Variants in SQOR observed in about 807,000 individuals in gnomAD.
SQOR encodes sulfide quinone oxidoreductase.
A neutral mutation model predicts 48.6 loss-of-function variants in SQOR; 39 were observed. That is an observed-to-expected ratio of 0.80 (90% CI 0.62 to 1.05). The LOEUF (loss-of-function observed/expected upper bound fraction) is 1.05, where lower values mean the gene tolerates loss of function less well. Among genes scored for constraint, SQOR ranks in the 50% least tolerant of loss-of-function variants. The pLI is 0.00. For synonymous variants in SQOR, 220 were observed against 206.2 expected, an observed-to-expected ratio of 1.07 and a Z score of -0.57; for missense variants, 561 against 559.9, an observed-to-expected ratio of 1.00 and a Z score of -0.02.
At chr15:45,636,694 G>T (rs576469179) in intron 1 of SQOR, among the ~76,000 whole-genome samples, 1 of 152,062 alleles carries the variant, frequency 6.6e-6, no homozygotes, top group Middle Eastern at 3.2e-3. Context: ...GAGCCACTGC[G>T]CACGGCCAAT....
At chr15:45,670,655 G>A (rs1277401176) in intron 4 of SQOR, among the ~76,000 whole-genome samples, 2 of 152,224 alleles carry the variant, frequency 1.3e-5, no homozygotes, top group Admixed American at 6.5e-5. Flanking sequence ...TGTGCTAACC[G>A]GGTAACAAGC....
At chr15:45,664,760 G>A (rs1410679407) in intron 3 of SQOR, among the ~76,000 whole-genome samples, 1 of 152,028 alleles carries the variant, frequency 6.6e-6, no homozygotes, top group Non-Finnish European at 1.5e-5. Flanking sequence ...TCCTGAAAAA[G>A]TATAGTTGTT....
chr15:45,645,651 C>T (rs889557451), intron 1 of SQOR, among the ~76,000 whole-genome samples: 11 of 152,220 alleles, frequency 7.2e-5, no homozygotes, highest in African/African-American at 2.7e-4. Context: ...TGAAACATGG[C>T]TTGTCCTGTG....
upstream of SQOR, among the ~76,000 whole-genome samples, chr15:45,634,198 C>CTATATATATA (rs60889862): frequency 6.5e-3 from 283 of 43,842 alleles, 35 homozygotes; most frequent in African/African-American, 0.012. Context: ...ACAACAACAA[C>CTATATATATA]TATATATATA....
upstream of SQOR, among the ~76,000 whole-genome samples, chr15:45,632,410 CGGGGTTTCATCATGCT>C (rs1894914088): frequency 1.3e-5 from 2 of 151,800 alleles, no homozygotes; most frequent in African/African-American, 4.8e-5. Context: ...TTAGTAGAGA[CGGGGTTTCATCATGCT>C]GGCCAGGCTG....
chr15:45,644,147 A>T (rs673555), intron 1 of SQOR, among the ~76,000 whole-genome samples: 1 of 151,638 alleles, frequency 6.6e-6, no homozygotes, highest in East Asian at 1.9e-4. Context: ...GAGTGCAGTG[A>T]CGCGATCTCG....
chr15:45,651,213 T>C (rs538940895), intron 1 of SQOR, among the ~76,000 whole-genome samples: 1 of 152,168 alleles, frequency 6.6e-6, no homozygotes, highest in South Asian at 2.1e-4. Context: ...CCGGCACTGC[T>C]GGGGGACCTG....
intron 1 of SQOR, among the ~76,000 whole-genome samples, chr15:45,644,776 A>T (rs978139282): frequency 6.6e-6 from 1 of 152,206 alleles, no homozygotes; most frequent in African/African-American, 2.4e-5. Flanking sequence ...AGAGTGCTCC[A>T]GGATTCATGA....
intron 3 of SQOR, among the ~76,000 whole-genome samples, 159 bp downstream of exon 3, chr15:45,662,284 G>C (rs1428216798): frequency 6.6e-6 from 1 of 152,160 alleles, no homozygotes; most frequent in African/African-American, 2.4e-5. Flanking sequence ...CAGGGTATGT[G>C]GTAAGTGGAG....
rs758223562 is a variant in SQOR, at chr15:45,659,138, C to T, written c.215C>T (p.Ala72Val). The change falls in exon 2 of 10, where the codon GCC (alanine) becomes GTC (valine). Residue 72 changes from alanine (A) to valine (V), a missense_variant. Ala to Val is a moderately conservative substitution (Grantham distance 64). Transcript: ENST00000260324. The stretch of plus-strand genomic sequence containing the variant: ...AGGAAAGTGGGTGCAGAGAATGTGG[C>T]CATTGTTGAGCCCAGTGAGGTAAGC... ...MKRKVGAENV[A>V]IVEPSERHFY... The T allele has an allele frequency of 8.4e-6, 13 of 1,549,734 alleles. No homozygotes were observed. The highest frequency in any genetic ancestry group is 1.9e-5 in the Admixed American group (1 of 51,574).
chr15:45,673,082 AC>A (rs1435367506), intron 4 of SQOR, among the ~76,000 whole-genome samples: 1 of 152,192 alleles, frequency 6.6e-6, no homozygotes, highest in East Asian at 1.9e-4. Flanking sequence ...TAGGTAATTT[AC>A]ACAGGGTCAC....
chr15:45,662,965 G>A (rs1042216216), intron 3 of SQOR, among the ~76,000 whole-genome samples: 7 of 152,182 alleles, frequency 4.6e-5, no homozygotes, highest in Admixed American at 1.3e-4. Flanking sequence ...AGTTGGGTGA[G>A]GATCCTAAAA....
At position 45,682,626 on chromosome 15, in the gene SQOR, C is replaced by T. The variant is rs1890144351; in HGVS notation, c.1013C>T (p.Thr338Ile). The T allele has an allele frequency of 1.2e-6, 2 of 1,613,982 alleles. No individual in the cohort carries two copies. Among genetic ancestry groups the T allele is most frequent in the African/African-American group, 2.7e-5 (2 of 74,920 alleles). ...AATGTGTTTGGGATTGGGGACTGCACCAACCTTCCTACGTCAAAGACCGCT... is the reference window on the plus strand; with the variant it reads ...AATGTGTTTGGGATTGGGGACTGCATCAACCTTCCTACGTCAAAGACCGCT... Reference protein sequence around the residue: ...YPNVFGIGDCTNLPTSKTAAA... With the variant: ...YPNVFGIGDCINLPTSKTAAA... Residue 338 changes from threonine to isoleucine, a missense_variant, in exon 7 of 10, where the codon ACC (threonine) becomes ATC (isoleucine). Transcript: ENST00000260324.
intron 5 of SQOR, among the ~76,000 whole-genome samples, chr15:45,674,266 G>A (rs560928384): frequency 8.5e-5 from 13 of 152,120 alleles, no homozygotes; most frequent in Middle Eastern, 3.4e-3. Context: ...GAGAAATCCC[G>A]TCTCTACTAA....
At chr15:45,658,687 C>A (rs2670811) in intron 1 of SQOR, among the ~76,000 whole-genome samples, 87,547 of 151,972 alleles carry the variant, frequency 0.58, 25,405 homozygotes, top group Admixed American at 0.65. Flanking sequence ...TGAACGTAGG[C>A]GGAAGGGGAG....
At chr15:45,660,539 A>G (rs1889700246) in intron 2 of SQOR, among the ~76,000 whole-genome samples, 1 of 152,212 alleles carries the variant, frequency 6.6e-6, no homozygotes, top group African/African-American at 2.4e-5. Flanking sequence ...GCCAGAATCA[A>G]GTTTGTCCTG....
upstream of SQOR, among the ~76,000 whole-genome samples, chr15:45,633,851 T>C (rs1366795439): frequency 4.0e-5 from 6 of 151,628 alleles, no homozygotes; most frequent in South Asian, 2.1e-4. Context: ...TGATTAAAGA[T>C]AGAAAGTATC....
At chr15:45,645,038 TACAG>T (rs1408228471) in intron 1 of SQOR, among the ~76,000 whole-genome samples, 2 of 152,054 alleles carry the variant, frequency 1.3e-5, no homozygotes, top group African/African-American at 4.8e-5. Flanking sequence ...CATAAAAAAA[TACAG>T]ACAATGAAAA....
Position 45,688,337 on chromosome 15 carries a change from C to G in SQOR, c.1049C>G (p.Ala350Gly). Reference sequence around the variant, plus strand: ...TCTGACTTTCCCATTTCTCTTATAGCTGCCCAGTCAGGAATACTTGATAGG... The same window carrying G: ...TCTGACTTTCCCATTTCTCTTATAGGTGCCCAGTCAGGAATACTTGATAGG... Reference protein sequence around the residue: ...LPTSKTAAAVAAQSGILDRTI... With the variant: ...LPTSKTAAAVGAQSGILDRTI... The change falls in exon 8 of 10, where the codon GCT becomes GGT. Residue 350 changes from alanine (A) to glycine (G), a missense_variant and splice_region_variant. Physicochemically the swap from Ala to Gly is moderately conservative, Grantham distance 60. Transcript: ENST00000260324. The G allele has an allele frequency of 6.3e-7, 1 of 1,596,034 alleles. No individual in the cohort carries two copies. Among genetic ancestry groups the G allele is most frequent in the South Asian group, 1.2e-5 (1 of 86,558 alleles).
Sources: allele counts gnomAD v4.1 joint callset (sites outside exome capture counted in the v4.1 genomes callset), GRCh38; gene constraint gnomAD v4.1.1; transcripts MANE v1.5; gene names NCBI Gene and HGNC (gene_info 2026-07-23, HGNC 2026-07-21).